The following KIAA0825 variants were observed in gnomAD, a reference collection of about 807,000 sequenced individuals.
KIAA0825 encodes the protein uncharacterized protein KIAA0825.
A neutral mutation model predicts 147.6 loss-of-function variants in KIAA0825; 119 were observed. The observed-to-expected ratio is 0.81, with a 90% CI of 0.69 to 0.94. The LOEUF (loss-of-function observed/expected upper bound fraction) is 0.94, where lower values mean the gene tolerates loss of function less well. Among genes scored for constraint, KIAA0825 ranks in the 40% least tolerant of loss-of-function variants. The pLI, the probability that KIAA0825 is intolerant of heterozygous loss-of-function variation, is 0.00. For missense variants in KIAA0825, 1,381 were observed against 1,472.7 expected (o/e 0.94, Z 1.02); for synonymous variants, 470 against 518.1 (o/e 0.91, Z 1.26).
intron 1 of KIAA0825, chr5:94,592,668 G>A (rs1302632005): frequency 1.5e-5 from 4 of 266,714 alleles, no homozygotes; most frequent in African/African-American, 9.1e-5. Flanking sequence ...CGTAATGGAA[G>A]CAAAATACAC....
chr5:94,156,292 T>G (rs958718617), intron 20 of KIAA0825, among the ~76,000 whole-genome samples: 1 of 152,170 alleles, frequency 6.6e-6, no homozygotes, highest in Admixed American at 6.5e-5. Flanking sequence ...TATAAAGTAC[T>G]GTCAAAAAGT....
At chr5:94,273,860 G>A (rs1168701011) in intron 20 of KIAA0825, among the ~76,000 whole-genome samples, 3 of 152,032 alleles carry the variant, frequency 2.0e-5, no homozygotes, top group African/African-American at 7.2e-5. Flanking sequence ...TGTGGAAAAT[G>A]AGAGTTAAAA....
intron 20 of KIAA0825, among the ~76,000 whole-genome samples, chr5:94,378,167 G>A (rs1747854837): frequency 6.6e-6 from 1 of 152,108 alleles, no homozygotes; most frequent in South Asian, 2.1e-4. Context: ...GATAAATTGC[G>A]TGTCACAGGA....
chr5:94,239,853 C>T (rs1035544363), intron 20 of KIAA0825, among the ~76,000 whole-genome samples: 1 of 152,118 alleles, frequency 6.6e-6, no homozygotes, highest in Non-Finnish European at 1.5e-5. Flanking sequence ...TGAAGCTTGA[C>T]TTAAATTTCA....
intron 2 of KIAA0825, among the ~76,000 whole-genome samples, chr5:94,564,384 TTGTGTGTG>T (rs139331057): frequency 1.3e-5 from 1 of 79,264 alleles, no homozygotes; most frequent in Admixed American, 1.1e-4. Flanking sequence ...ATTTTTGAAT[TTGTGTGTG>T]TGTGTGTGTG....
At chr5:94,229,788 C>T (rs1774529965) in intron 20 of KIAA0825, among the ~76,000 whole-genome samples, 1 of 151,980 alleles carries the variant, frequency 6.6e-6, no homozygotes, top group Admixed American at 6.6e-5. Flanking sequence ...AATAGCTATT[C>T]TTAATTCTCT....
intron 14 of KIAA0825, among the ~76,000 whole-genome samples, chr5:94,420,667 G>A (rs566521099): frequency 2.0e-5 from 3 of 152,070 alleles, no homozygotes; most frequent in Admixed American, 2.0e-4. Flanking sequence ...GTTTAATATT[G>A]AAGAAGGAAT....
At chr5:94,591,720 T>G (rs2152393070) in intron 1 of KIAA0825, among the ~76,000 whole-genome samples, 1 of 152,308 alleles carries the variant, frequency 6.6e-6, no homozygotes, top group South Asian at 2.1e-4. Flanking sequence ...ATTTTCACAC[T>G]GCTATAAAGA....
intron 20 of KIAA0825, among the ~76,000 whole-genome samples, chr5:94,329,805 T>C (rs1781082717): frequency 6.6e-6 from 1 of 152,056 alleles, no homozygotes; most frequent in South Asian, 2.1e-4. Context: ...AGCAGGTATA[T>C]TATCTTACAT....
intron 16 of KIAA0825, among the ~76,000 whole-genome samples, chr5:94,398,727 G>A (rs947102068): frequency 1.3e-5 from 2 of 152,070 alleles, no homozygotes; most frequent in Non-Finnish European, 2.9e-5. Context: ...ATCCCACAAA[G>A]CCAGACAGTG....
chr5:94,540,669 G>A (rs1247912365), intron 2 of KIAA0825, among the ~76,000 whole-genome samples: 3 of 152,162 alleles, frequency 2.0e-5, no homozygotes, highest in Non-Finnish European at 4.4e-5. Flanking sequence ...CTTTCATTTA[G>A]TTCATGTGAC....
In KIAA0825 at chr5:94,283,849, C is replaced by T. The variant is rs150497074; in HGVS notation, c.3710+100519G>A. Among the ~76,000 whole-genome samples the T allele has an allele frequency of 4.5e-4, 68 of 152,164 alleles. 1 individual carries two copies. The East Asian group carries it at 8.5e-3, about 19-fold the overall frequency. On this transcript the variant is annotated intron_variant, in intron 20 of 20. Coordinates refer to ENST00000682413, the MANE Select transcript of KIAA0825 (RefSeq NM_001145678.3). ...AGAAAGCTTACCAATTAAACCTAAA[C>T]GCGATTACTGAATGCCTAAATTGGC...
chr5:94,177,572 T>C (rs1023646138), intron 20 of KIAA0825, among the ~76,000 whole-genome samples: 1 of 152,082 alleles, frequency 6.6e-6, no homozygotes, highest in Non-Finnish European at 1.5e-5. Context: ...TGGAATGTAT[T>C]AATATTGGAG....
At chr5:94,600,958 G>T (rs72773506) in intron 1 of KIAA0825, among the ~76,000 whole-genome samples, 4 of 152,150 alleles carry the variant, frequency 2.6e-5, no homozygotes, top group African/African-American at 7.2e-5. Context: ...GGGGTTGGCC[G>T]CCATCTTTGC....
intron 3 of KIAA0825, among the ~76,000 whole-genome samples, chr5:94,536,283 A>G (rs1273853734): frequency 6.6e-6 from 1 of 152,246 alleles, no homozygotes; most frequent in African/African-American, 2.4e-5. Flanking sequence ...CAAGGTAACT[A>G]TATCTTAAAT....
At chr5:94,450,041 T>C (rs899920128) in intron 13 of KIAA0825, among the ~76,000 whole-genome samples, 3 of 151,974 alleles carry the variant, frequency 2.0e-5, no homozygotes, top group African/African-American at 4.8e-5. Context: ...GATCGTGCCA[T>C]TGGACTCCAG....
chr5:94,559,373 T>C (rs1777148030), intron 2 of KIAA0825, among the ~76,000 whole-genome samples: 1 of 152,244 alleles, frequency 6.6e-6, no homozygotes, highest in Non-Finnish European at 1.5e-5. Context: ...ACGTTTTCTA[T>C]GCAAAGACTT....
chr5:94,563,290 G>A (rs150156140), intron 2 of KIAA0825, among the ~76,000 whole-genome samples: 2,626 of 151,948 alleles, frequency 0.017, 31 homozygotes, highest in South Asian at 0.033. Flanking sequence ...CCCAGGAGGC[G>A]GAGCTTGCAG....
intron 1 of KIAA0825, among the ~76,000 whole-genome samples, chr5:94,614,151 G>C (rs1199152338): frequency 6.6e-6 from 1 of 151,930 alleles, no homozygotes; most frequent in East Asian, 1.9e-4. Context: ...TTATTGACAT[G>C]GAAAAATTCA....
Sources: allele counts gnomAD v4.1 joint callset (sites outside exome capture counted in the v4.1 genomes callset), GRCh38; gene constraint gnomAD v4.1.1; transcripts MANE v1.5; gene names NCBI Gene and HGNC (gene_info 2026-07-23, HGNC 2026-07-21).